The following PPP1R16B variants were observed in gnomAD, a reference collection of about 807,000 sequenced individuals.
The protein encoded by PPP1R16B is protein phosphatase 1 regulatory subunit 16B.
In PPP1R16B, 14 loss-of-function variants were observed where a neutral mutation model predicts 61.7. That is an observed-to-expected ratio of 0.23 (90% CI 0.15 to 0.35). The LOEUF is 0.35. Among genes scored for constraint, PPP1R16B ranks in the 10% least tolerant of loss-of-function variants. PPP1R16B has a pLI of 1.00. For synonymous variants in PPP1R16B, 266 were observed against 305.3 expected, an observed-to-expected ratio of 0.87 and a Z score of 1.34; for missense variants, 547 against 752.5, an observed-to-expected ratio of 0.73 and a Z score of 3.19.
intron 1 of PPP1R16B, among the ~76,000 whole-genome samples, chr20:38,820,335 G>T (rs2084764716): frequency 6.6e-6 from 1 of 152,138 alleles, no homozygotes; most frequent in African/African-American, 2.4e-5. Context: ...GAGGCGAGCG[G>T]ATCACCTCAG....
chr20:38,809,898 C>T (rs1445238477), intron 1 of PPP1R16B, among the ~76,000 whole-genome samples: 1 of 143,618 alleles, frequency 7.0e-6, no homozygotes, highest in Non-Finnish European at 1.5e-5. Flanking sequence ...GGAGAATCAC[C>T]TGAACGGGGG....
chr20:38,908,233 A>C (rs1437524737), intron 10 of PPP1R16B, 40 bp downstream of exon 10: 2 of 1,610,734 alleles, frequency 1.2e-6, no homozygotes, highest in Non-Finnish European at 1.7e-6. Flanking sequence ...CAGCCACTGC[A>C]ATGGGAGGAG....
chr20:38,905,082 C>T (rs1568683292), intron 6 of PPP1R16B, among the ~76,000 whole-genome samples: 1 of 152,154 alleles, frequency 6.6e-6, no homozygotes, highest in African/African-American at 2.4e-5. Context: ...GGATCACAGT[C>T]CCTCATTGGA....
At chr20:38,855,933 T>TAGAGAGAG (rs1362360833) in intron 2 of PPP1R16B, among the ~76,000 whole-genome samples, 3 of 48,330 alleles carry the variant, frequency 6.2e-5, no homozygotes, top group Non-Finnish European at 7.1e-5. Flanking sequence ...TATATATATA[T>TAGAGAGAG]ATATATATAT....
chr20:38,886,223 T>G (rs1332019790), intron 2 of PPP1R16B, among the ~76,000 whole-genome samples: 1 of 152,220 alleles, frequency 6.6e-6, no homozygotes. Context: ...GTAGCACTGC[T>G]GAGGCAGCCT....
Position 38,918,798 on chromosome 20 carries a change from C to T in PPP1R16B, c.*132C>T. ...CTCTGCTTTTCAGAGGAACTCAGAC[C>T]CCAGCCCTCAGCTGGCTGCCCATAG... On this transcript the variant is annotated 3_prime_UTR_variant, in exon 11 of 11. Coordinates refer to ENST00000299824, the MANE Select transcript of PPP1R16B (RefSeq NM_015568.4). This position sits in a 1 kb window ranked among gnomAD's most constrained non-coding sequence, Gnocchi z 5.3. 1 of 1,135,660 alleles carries T rather than the reference C, an allele frequency of 8.8e-7. No individual in the cohort carries two copies. Among genetic ancestry groups the T allele is most frequent in the Non-Finnish European group, 1.2e-6 (1 of 860,682 alleles). The allele number at this position is 1,135,660 out of a possible 1,614,324, so 70.3% of individuals were successfully genotyped here.
chr20:38,813,199 T>C (rs1407839020), intron 1 of PPP1R16B, among the ~76,000 whole-genome samples: 1 of 152,216 alleles, frequency 6.6e-6, no homozygotes, highest in Non-Finnish European at 1.5e-5. Context: ...GGACCAGACT[T>C]GACAAAGAGG....
intron 3 of PPP1R16B, among the ~76,000 whole-genome samples, chr20:38,894,094 A>T (rs2085313539): frequency 6.6e-6 from 1 of 151,874 alleles, no homozygotes. Flanking sequence ...ATGTCCTCAG[A>T]CCTAGCCACC....
chr20:38,835,537 G>A (rs547884965), intron 1 of PPP1R16B, among the ~76,000 whole-genome samples: 1 of 152,350 alleles, frequency 6.6e-6, no homozygotes, highest in South Asian at 2.1e-4. Context: ...AGCATGTGGC[G>A]ATTGTGCACT....
chr20:38,870,485 C>T (rs1044275381), intron 2 of PPP1R16B, among the ~76,000 whole-genome samples: 1 of 152,056 alleles, frequency 6.6e-6, no homozygotes, highest in Non-Finnish European at 1.5e-5. Context: ...GGAGGTGACA[C>T]TTAAGAGACC....
intron 2 of PPP1R16B, among the ~76,000 whole-genome samples, chr20:38,877,926 A>T (rs1292699129): frequency 1.8e-5 from 2 of 111,800 alleles, no homozygotes; most frequent in Non-Finnish European, 3.8e-5. Flanking sequence ...TGTTTGGAAT[A>T]TATCTCTTGT....
At chr20:38,814,077 A>G (rs1385647750) in intron 1 of PPP1R16B, among the ~76,000 whole-genome samples, 4 of 152,168 alleles carry the variant, frequency 2.6e-5, no homozygotes, top group African/African-American at 9.7e-5. Context: ...GATTACAGGC[A>G]TGAGCCACTG....
intron 2 of PPP1R16B, among the ~76,000 whole-genome samples, chr20:38,881,479 G>A (rs1398423565): frequency 6.6e-6 from 1 of 152,158 alleles, no homozygotes; most frequent in Non-Finnish European, 1.5e-5. Context: ...AAGTCAGTGC[G>A]GACTGGGCTG....
chr20:38,817,037 C>T (rs188425613), intron 1 of PPP1R16B, among the ~76,000 whole-genome samples: 4 of 152,206 alleles, frequency 2.6e-5, no homozygotes, highest in East Asian at 1.9e-4. Context: ...CCCTCTCCCA[C>T]GTATTGAATA....
intron 10 of PPP1R16B, 98 bp downstream of exon 10, chr20:38,908,291 G>A: frequency 6.8e-7 from 1 of 1,461,922 alleles, no homozygotes. Flanking sequence ...GCCTTCAGAG[G>A]GAAGTAGCCA....
At chr20:38,882,778 C>T (rs551853109) in intron 2 of PPP1R16B, among the ~76,000 whole-genome samples, 1 of 152,218 alleles carries the variant, frequency 6.6e-6, no homozygotes, top group South Asian at 2.1e-4. Flanking sequence ...CAGGGAAGGC[C>T]TCCCAGAGGA....
At chr20:38,872,230 T>C (rs1334315025) in intron 2 of PPP1R16B, among the ~76,000 whole-genome samples, 4 of 152,178 alleles carry the variant, frequency 2.6e-5, no homozygotes, top group Non-Finnish European at 4.4e-5. Flanking sequence ...GAATGCCTCC[T>C]GCACTGGGTG....
intron 1 of PPP1R16B, among the ~76,000 whole-genome samples, chr20:38,810,977 C>A (rs1430573891): frequency 6.6e-6 from 1 of 152,132 alleles, no homozygotes; most frequent in East Asian, 1.9e-4. Flanking sequence ...GGGCGCTGGG[C>A]AGTAGGCATT....
chr20:38,808,776 G>T (rs1018222431), intron 1 of PPP1R16B, among the ~76,000 whole-genome samples: 20 of 152,114 alleles, frequency 1.3e-4, no homozygotes, highest in African/African-American at 3.9e-4. Flanking sequence ...GCTCACACCT[G>T]TAATCCCAGC....
Sources: gnomAD v4.1 joint callset for allele counts (sites outside exome capture counted in the v4.1 genomes callset) on GRCh38, gnomAD v4.1.1 for gene constraint, Gnocchi (gnomAD v3.1) non-coding constraint, MANE v1.5 for transcripts, NCBI Gene and HGNC (gene_info 2026-07-23, HGNC 2026-07-21) for gene names.